Variants in LINGO2 observed in about 807,000 individuals in gnomAD.
The protein encoded by LINGO2 is leucine-rich repeat and immunoglobulin-like domain-containing nogo receptor-interacting protein 2.
In LINGO2, 14 loss-of-function variants were observed where a neutral mutation model predicts 30.6. That is an observed-to-expected ratio of 0.46 (90% CI 0.30 to 0.72). The LOEUF is 0.72. LINGO2 is among the 30% of genes least tolerant of loss of function. LINGO2 has a pLI of 0.07. For missense variants in LINGO2, 729 were observed against 751.7 expected (o/e 0.97, Z 0.35); for synonymous variants, 317 against 288.5 (o/e 1.10, Z -1.00).
At chr9:28,902,778 A>G in the LINGO2 span, among the ~76,000 whole-genome samples, 1 of 152,150 alleles carries the variant, frequency 6.6e-6, no homozygotes, top group African/African-American at 2.4e-5. Flanking sequence ...CATTCTGAAC[A>G]AAAAATGAGT....
chr9:28,948,246 A>G, the LINGO2 span, among the ~76,000 whole-genome samples: 1 of 152,100 alleles, frequency 6.6e-6, no homozygotes, highest in Non-Finnish European at 1.5e-5. Flanking sequence ...AGAAAGAAAA[A>G]TAATTTGAAT....
At chr9:28,422,178 C>T (rs1383772685) in intron 2 of LINGO2, among the ~76,000 whole-genome samples, 2 of 151,874 alleles carry the variant, frequency 1.3e-5, no homozygotes, top group Non-Finnish European at 2.9e-5. Flanking sequence ...GGAATTCTAT[C>T]AAAATTGAAA....
chr9:28,822,021 G>T, the LINGO2 span, among the ~76,000 whole-genome samples: 1 of 152,088 alleles, frequency 6.6e-6, no homozygotes, highest in Non-Finnish European at 1.5e-5. Flanking sequence ...ACCTGAAGCA[G>T]CAGACAAAAC....
chr9:28,389,702 A>G (rs1180476972), intron 2 of LINGO2, among the ~76,000 whole-genome samples: 3 of 152,208 alleles, frequency 2.0e-5, no homozygotes, highest in Admixed American at 6.5e-5. Context: ...CGAAACAAAC[A>G]AACGAAAACC....
At chr9:29,131,019 C>T in the LINGO2 span, among the ~76,000 whole-genome samples, 3 of 152,136 alleles carry the variant, frequency 2.0e-5, no homozygotes, top group Non-Finnish European at 4.4e-5. Context: ...TTAATGCCTA[C>T]CAACTTTCCT....
At chr9:28,787,550 T>G in the LINGO2 span, among the ~76,000 whole-genome samples, 14 of 152,102 alleles carry the variant, frequency 9.2e-5, no homozygotes, top group African/African-American at 3.1e-4. Flanking sequence ...TCAAAAAATC[T>G]AGAACAATAA....
chr9:28,746,273 T>A, the LINGO2 span, among the ~76,000 whole-genome samples: 1 of 152,172 alleles, frequency 6.6e-6, no homozygotes, highest in African/African-American at 2.4e-5. Flanking sequence ...TAACAGCTAT[T>A]CTTTAAAAGG....
chr9:28,252,248 A>T (rs147906203), intron 4 of LINGO2, among the ~76,000 whole-genome samples: 3 of 152,158 alleles, frequency 2.0e-5, no homozygotes, highest in African/African-American at 7.2e-5. Context: ...GTTTTTTGAG[A>T]TGGACTCTCA....
chr9:28,672,729 G>T (rs1829068902), upstream of LINGO2, among the ~76,000 whole-genome samples: 1 of 152,072 alleles, frequency 6.6e-6, no homozygotes, highest in African/African-American at 2.4e-5. Flanking sequence ...TTTGAAATGT[G>T]AATTTTAGCA....
chr9:27,962,428 G>T (rs533900080), intron 5 of LINGO2, among the ~76,000 whole-genome samples: 1 of 152,192 alleles, frequency 6.6e-6, no homozygotes, highest in African/African-American at 2.4e-5. Flanking sequence ...AACTAGAAAG[G>T]AGCTCAACTA....
At chr9:28,678,680 A>G in the LINGO2 span, among the ~76,000 whole-genome samples, 4 of 152,156 alleles carry the variant, frequency 2.6e-5, no homozygotes, top group Non-Finnish European at 5.9e-5. Context: ...CACTCAGAAC[A>G]GGGCTTTGCA....
chr9:28,457,260 A>C (rs1824888299), intron 2 of LINGO2, among the ~76,000 whole-genome samples: 1 of 152,196 alleles, frequency 6.6e-6, no homozygotes, highest in African/African-American at 2.4e-5. Context: ...GGGACCAACT[A>C]TATAGCTAAT....
chr9:27,949,211 A>C, exon 6 of LINGO2: 1 of 1,614,086 alleles, frequency 6.2e-7, no homozygotes, highest in Non-Finnish European at 8.5e-7. Flanking sequence ...TCCCAGCAGC[A>C]TTGCTAGCGA....
the LINGO2 span, among the ~76,000 whole-genome samples, chr9:29,165,402 T>C: frequency 4.6e-5 from 7 of 152,094 alleles, no homozygotes; most frequent in Non-Finnish European, 1.0e-4. Flanking sequence ...TCCAAAACCT[T>C]ATGTTGGCTC....
intron 1 of LINGO2, among the ~76,000 whole-genome samples, chr9:28,642,075 G>A (rs993496801): frequency 6.6e-6 from 1 of 150,880 alleles, no homozygotes; most frequent in African/African-American, 2.4e-5. Context: ...GTGTGTGTGT[G>A]TGTGTATGTG....
chr9:28,068,183 G>A (rs530300236), intron 4 of LINGO2, among the ~76,000 whole-genome samples: 33 of 152,056 alleles, frequency 2.2e-4, no homozygotes, highest in African/African-American at 6.5e-4. Flanking sequence ...TAGTCAGCTC[G>A]GCCTGCCATA....
chr9:27,994,786 A>T (rs749209642), intron 5 of LINGO2, among the ~76,000 whole-genome samples: 2 of 152,132 alleles, frequency 1.3e-5, no homozygotes, highest in East Asian at 3.9e-4. Context: ...GTGGGGAAAG[A>T]AGTAGGGGAC....
intron 4 of LINGO2, among the ~76,000 whole-genome samples, chr9:28,161,957 A>C (rs1309405486): frequency 1.3e-5 from 2 of 152,190 alleles, no homozygotes; most frequent in East Asian, 3.8e-4. Context: ...TTTCATTAAT[A>C]TATTTTTAAT....
At chr9:28,135,930 C>CTGCA (rs1827504943) in intron 4 of LINGO2, among the ~76,000 whole-genome samples, 1 of 152,142 alleles carries the variant, frequency 6.6e-6, no homozygotes. Context: ...TTTCCCTTCA[C>CTGCA]TGCAATGTAA....
Sources: allele counts gnomAD v4.1 joint callset (sites outside exome capture counted in the v4.1 genomes callset), GRCh38; gene constraint gnomAD v4.1.1; transcripts MANE v1.5; gene names NCBI Gene and HGNC (gene_info 2026-07-23, HGNC 2026-07-21).